ESRRG: variants seen among roughly 807,000 people sequenced by gnomAD.
The protein encoded by ESRRG is estrogen related receptor gamma, also known as estrogen-related receptor gamma.
A neutral mutation model predicts 44.0 loss-of-function variants in ESRRG; 13 were observed. That is an observed-to-expected ratio of 0.30 (90% CI 0.19 to 0.47). ESRRG has a LOEUF of 0.47. Ranked by LOEUF, ESRRG falls within the 20% of genes least tolerant of loss-of-function variation. The pLI, the probability that ESRRG is intolerant of heterozygous loss-of-function variation, is 1.00. For missense variants in ESRRG, 395 were observed against 580.6 expected (o/e 0.68, Z 3.29); for synonymous variants, 215 against 214.6 (o/e 1.00, Z -0.02).
chr1:216,961,564 T>A lies in ESRRG; in HGVS notation c.-105-21891A>T, dbSNP rs574447894. ...ACAACTTGAGAAATTTACTCTTATT[T>A]TTTTTTTTTTTTTGTCTATTTCTTC... On this transcript the variant is annotated intron_variant, in intron 1 of 7. Coordinates refer to the ESRRG transcript ENST00000359162. 5.1e-4 allele frequency among the ~76,000 whole-genome samples: 76 copies of A among 148,662 alleles called. 1 individual carries two copies. Among genetic ancestry groups the A allele is most frequent in the African/African-American group, 1.4e-3 (57 of 41,198 alleles).
chr1:216,508,325 T>A (rs1035405864), intron 6 of ESRRG, among the ~76,000 whole-genome samples: 2 of 152,224 alleles, frequency 1.3e-5, no homozygotes, highest in African/African-American at 4.8e-5. Flanking sequence ...TTCACTTACA[T>A]TGTCATTTTG....
intron 2 of ESRRG, among the ~76,000 whole-genome samples, chr1:216,672,930 G>T (rs1393356562): frequency 6.6e-6 from 1 of 152,152 alleles, no homozygotes; most frequent in Non-Finnish European, 1.5e-5. Flanking sequence ...ACATGAAAAT[G>T]CCTATGGATG....
At chr1:216,635,783 A>G (rs1406600239) in intron 3 of ESRRG, among the ~76,000 whole-genome samples, 2 of 152,118 alleles carry the variant, frequency 1.3e-5, no homozygotes, top group African/African-American at 4.8e-5. Context: ...CCAGCGAGAC[A>G]TGGACAGCGA....
At chr1:216,995,118 A>G (rs2076220531) in intron 1 of ESRRG, among the ~76,000 whole-genome samples, 1 of 152,196 alleles carries the variant, frequency 6.6e-6, no homozygotes, top group South Asian at 2.1e-4. Flanking sequence ...ACCTTTCCTC[A>G]GGACTCAGGA....
chr1:216,903,818 T>C (rs2059374102), intron 2 of ESRRG, among the ~76,000 whole-genome samples: 1 of 152,132 alleles, frequency 6.6e-6, no homozygotes, highest in Admixed American at 6.5e-5. Flanking sequence ...CTACCAGGTA[T>C]AGATCATTAT....
intron 1 of ESRRG, among the ~76,000 whole-genome samples, chr1:217,045,448 C>T (rs548011212): frequency 3.9e-5 from 6 of 152,270 alleles, no homozygotes; most frequent in East Asian, 1.9e-4. Context: ...AGAGTTGACT[C>T]GGGTATTAAA....
At chr1:216,647,003 C>A (rs1213428161) in intron 3 of ESRRG, among the ~76,000 whole-genome samples, 1 of 152,048 alleles carries the variant, frequency 6.6e-6, no homozygotes, top group Non-Finnish European at 1.5e-5. Flanking sequence ...GAATTCTATA[C>A]CTAAATGAAA....
intron 2 of ESRRG, among the ~76,000 whole-genome samples, chr1:216,734,994 C>T (rs574136136): frequency 4.7e-5 from 7 of 149,154 alleles, no homozygotes; most frequent in East Asian, 2.0e-4. Flanking sequence ...CTACAACCTC[C>T]GCCTCCTGGG....
chr1:216,686,439 C>A (rs1319007366), intron 1 of ESRRG, among the ~76,000 whole-genome samples: 13 of 107,172 alleles, frequency 1.2e-4, no homozygotes, highest in African/African-American at 2.9e-4. Flanking sequence ...TATTGTTAAC[C>A]AAAAAAAAAA....
rs182721424 is a variant in ESRRG, at chr1:216,801,692, G to C, written c.-13-124201C>G. On this transcript the variant is annotated intron_variant, in intron 2 of 7. Coordinates refer to the ESRRG transcript ENST00000359162. ...GATTTGCATCTCCCTAATGATTAGTGACGTTGAGTACCTTTTCATATACCT... is the reference window on the plus strand; with the variant it reads ...GATTTGCATCTCCCTAATGATTAGTCACGTTGAGTACCTTTTCATATACCT... Among the ~76,000 whole-genome samples, 326 of 152,268 alleles carry C rather than the reference G, an allele frequency of 2.1e-3. 2 individuals are homozygous for C. The highest frequency in any genetic ancestry group is 3.7e-3 in the Non-Finnish European group (250 of 68,018).
intron 1 of ESRRG, among the ~76,000 whole-genome samples, chr1:216,963,193 G>A (rs1359996448): frequency 6.6e-6 from 1 of 152,100 alleles, no homozygotes; most frequent in African/African-American, 2.4e-5. Flanking sequence ...TATCCCTGAG[G>A]AAAGAACAAA....
intron 3 of ESRRG, among the ~76,000 whole-genome samples, chr1:216,624,254 G>C (rs1207275052): frequency 6.6e-6 from 1 of 152,178 alleles, no homozygotes; most frequent in African/African-American, 2.4e-5. Flanking sequence ...GCAATACTGT[G>C]AGTTTCTGTT....
chr1:216,720,436 A>G (rs1190209636), intron 1 of ESRRG, among the ~76,000 whole-genome samples: 4 of 152,128 alleles, frequency 2.6e-5, no homozygotes, highest in African/African-American at 9.7e-5. Flanking sequence ...TCTAGAGTTT[A>G]AGTATTCTTA....
At chr1:217,009,968 T>G (rs528184139) in intron 1 of ESRRG, among the ~76,000 whole-genome samples, 1 of 152,128 alleles carries the variant, frequency 6.6e-6, no homozygotes, top group East Asian at 1.9e-4. Flanking sequence ...CCTCCCAAAG[T>G]GCTGGGATTA....
intron 2 of ESRRG, among the ~76,000 whole-genome samples, chr1:216,761,179 C>A (rs2092753203): frequency 1.3e-5 from 2 of 151,562 alleles, no homozygotes; most frequent in South Asian, 2.1e-4. Flanking sequence ...AAAAAATTTT[C>A]TTGTTCTAGA....
At chr1:217,102,606 T>C (rs1248487118) in intron 1 of ESRRG, among the ~76,000 whole-genome samples, 1 of 152,230 alleles carries the variant, frequency 6.6e-6, no homozygotes, top group Non-Finnish European at 1.5e-5. Context: ...TTCAAATTAC[T>C]TTACACTCAG....
At chr1:216,996,172 C>G (rs2076353373) in intron 1 of ESRRG, among the ~76,000 whole-genome samples, 1 of 152,070 alleles carries the variant, frequency 6.6e-6, no homozygotes. Flanking sequence ...GGGGAATAGT[C>G]TAGGATAATT....
intron 1 of ESRRG, among the ~76,000 whole-genome samples, chr1:217,116,708 A>C (rs1282792460): frequency 6.6e-6 from 1 of 152,146 alleles, no homozygotes; most frequent in African/African-American, 2.4e-5. Context: ...GTGTGGGCAA[A>C]GTTTGGGCTC....
chr1:217,058,781 G>C (rs1018709070), intron 1 of ESRRG, among the ~76,000 whole-genome samples: 1 of 151,468 alleles, frequency 6.6e-6, no homozygotes, highest in African/African-American at 2.4e-5. Context: ...GAAGGAAGGC[G>C]ATCTAACTGT....
Sources: allele counts gnomAD v4.1 joint callset (sites outside exome capture counted in the v4.1 genomes callset), GRCh38; gene constraint gnomAD v4.1.1; transcripts MANE v1.5; gene names NCBI Gene and HGNC (gene_info 2026-07-23, HGNC 2026-07-21).